Variants in ZCCHC14 observed in about 807,000 individuals in gnomAD.
The protein encoded by ZCCHC14 is zinc finger CCHC domain-containing protein 14.
In ZCCHC14, 16 loss-of-function variants were observed where a neutral mutation model predicts 85.0. The ratio of observed to expected loss-of-function variants is 0.19; its 90% CI spans 0.13 to 0.29. The LOEUF is 0.29. Ranked by LOEUF, ZCCHC14 falls within the 10% of genes least tolerant of loss-of-function variation. The pLI, the probability that ZCCHC14 is intolerant of heterozygous loss-of-function variation, is 1.00. For missense variants in ZCCHC14, 1,303 were observed against 1,443.5 expected, an observed-to-expected ratio of 0.90 and a Z score of 1.58; for synonymous variants, 775 against 630.7, an observed-to-expected ratio of 1.23 and a Z score of -3.43.
chr16:87,480,681 G>A (rs1384387751), intron 1 of ZCCHC14, among the ~76,000 whole-genome samples: 2 of 152,208 alleles, frequency 1.3e-5, no homozygotes, highest in Non-Finnish European at 2.9e-5. Context: ...TGAGCCCCTA[G>A]TAGGTGGTAG....
intron 3 of ZCCHC14, among the ~76,000 whole-genome samples, chr16:87,431,650 G>A (rs1029860002): frequency 6.6e-6 from 1 of 152,166 alleles, no homozygotes; most frequent in Non-Finnish European, 1.5e-5. Flanking sequence ...ACTGTGCTAT[G>A]ACCATATGCG....
At chr16:87,463,482 G>T (rs1220728722) in intron 1 of ZCCHC14, among the ~76,000 whole-genome samples, 2 of 152,174 alleles carry the variant, frequency 1.3e-5, no homozygotes, top group Admixed American at 1.3e-4. Context: ...TCTAAGTCCT[G>T]GTTCTAAGAA....
chr16:87,430,325 C>G (rs1955179588), intron 3 of ZCCHC14, among the ~76,000 whole-genome samples: 1 of 152,094 alleles, frequency 6.6e-6, no homozygotes, highest in African/African-American at 2.4e-5. Flanking sequence ...TCCTTCATAC[C>G]CGGCCTGTGC....
intron 2 of ZCCHC14, among the ~76,000 whole-genome samples, chr16:87,434,263 C>T (rs964634285): frequency 1.6e-4 from 24 of 152,330 alleles, no homozygotes; most frequent in African/African-American, 5.5e-4. Flanking sequence ...AGCCGCGTAT[C>T]GAACATGCTG....
intron 2 of ZCCHC14, among the ~76,000 whole-genome samples, chr16:87,450,000 T>C (rs192710863): frequency 7.2e-5 from 11 of 152,234 alleles, no homozygotes; most frequent in South Asian, 4.1e-4. Context: ...AACTGAAAAA[T>C]TGAGGCACTG....
chr16:87,411,332 T>A, intron 12 of ZCCHC14, 184 bp downstream of exon 12: 1 of 1,485,490 alleles, frequency 6.7e-7, no homozygotes, highest in Non-Finnish European at 8.9e-7. Flanking sequence ...ATGGCCGTTT[T>A]AGACCCAACA....
At chr16:87,424,781 G>T (rs183848772) in intron 3 of ZCCHC14, among the ~76,000 whole-genome samples, 1 of 152,174 alleles carries the variant, frequency 6.6e-6, no homozygotes, top group Non-Finnish European at 1.5e-5. Flanking sequence ...TTAGCTACAG[G>T]ATTGAGATGG....
In ZCCHC14 at chr16:87,407,790, G is replaced by A. The variant is rs765546167; in HGVS notation, c.*2490C>T. On this transcript the variant is annotated 3_prime_UTR_variant, in exon 13 of 13. Transcript: ENST00000671377. ...TGAGGAAGTCTGATGACCGCAAAAC[G>A]CTCTTCAGACGCGCCGACCTTGGTG... 3 of 152,460 alleles carry A rather than the reference G, an allele frequency of 2.0e-5. No individual in the cohort carries two copies. Among genetic ancestry groups the A allele is most frequent in the Admixed American group, 6.5e-5 (1 of 15,272 alleles). The allele number at this position is 152,460 out of a possible 1,614,324, so 9.4% of individuals were successfully genotyped here.
chr16:87,423,291 G>A (rs1339202782), intron 4 of ZCCHC14, among the ~76,000 whole-genome samples: 1 of 152,152 alleles, frequency 6.6e-6, no homozygotes, highest in Non-Finnish European at 1.5e-5. Flanking sequence ...AACGTGGGAG[G>A]ACCACTTGAG....
chr16:87,443,411 G>C (rs1345131246), intron 2 of ZCCHC14, among the ~76,000 whole-genome samples: 1 of 152,168 alleles, frequency 6.6e-6, no homozygotes, highest in Non-Finnish European at 1.5e-5. Context: ...TACCAGGTAA[G>C]TCAGCTGAGT....
chr16:87,436,621 G>C lies in ZCCHC14; in HGVS notation c.695-3420C>G, dbSNP rs574074300. 8.5e-5 allele frequency among the ~76,000 whole-genome samples: 13 copies of C among 152,344 alleles called. No individual in the cohort carries two copies. In the East Asian group the frequency reaches 2.5e-3, roughly 29 times the overall value. On this transcript the variant is annotated intron_variant, in intron 2 of 12. Transcript: ENST00000671377. Reference sequence around the variant, plus strand: ...GCAGGATAAATAGCTCACACATGCCGGGCTTACGCCTAAGTGATGGGCTGA... The same window carrying C: ...GCAGGATAAATAGCTCACACATGCCCGGCTTACGCCTAAGTGATGGGCTGA...
intron 1 of ZCCHC14, among the ~76,000 whole-genome samples, chr16:87,468,087 A>G (rs986440758): frequency 6.6e-6 from 1 of 152,236 alleles, no homozygotes; most frequent in African/African-American, 2.4e-5. Flanking sequence ...TCTCTTAAGA[A>G]TGGTACATTT....
chr16:87,462,389 A>C (rs1412690131), intron 1 of ZCCHC14, among the ~76,000 whole-genome samples: 1 of 152,220 alleles, frequency 6.6e-6, no homozygotes, highest in East Asian at 1.9e-4. Context: ...TTTTAGTTCC[A>C]AACAGTACAT....
chr16:87,425,765 C>G (rs1006891235), intron 3 of ZCCHC14, among the ~76,000 whole-genome samples: 1 of 152,142 alleles, frequency 6.6e-6, no homozygotes, highest in South Asian at 2.1e-4. Flanking sequence ...GGCTGTCCCC[C>G]GCGCTGCTGA....
At position 87,456,603 on chromosome 16, in the gene ZCCHC14, G is replaced by A. The variant is rs917839660; in HGVS notation, c.694+3405C>T. Among the ~76,000 whole-genome samples, 5 of 140,940 alleles carry A rather than the reference G, an allele frequency of 3.5e-5. No individual in the cohort carries two copies. The South Asian group carries it at 1.2e-3, about 34-fold the overall frequency. 92.5% of individuals were successfully genotyped at this position (140,940 alleles called of 152,430 possible). On this transcript the variant is annotated intron_variant, in intron 2 of 12. Transcript: ENST00000671377. ...GAATTCTTGTCTTCTTAGAATTCAT[G>A]TTCTAATTGGTTGGGATAGATTTTG...
Position 87,433,067 on chromosome 16 carries a change from C to T in ZCCHC14, c.768+61G>A. On this transcript the variant is annotated intron_variant, in intron 3 of 12. Transcript: ENST00000671377. ...CTTAGCTAGGAAGGAAAAGCATCTC[C>T]AGGGTAAGTGTTTTCTTCCTAGCCT... 1.0e-5 allele frequency: 16 copies of T among 1,543,228 alleles called. No individual in the cohort carries two copies. In the South Asian group the frequency reaches 1.8e-4, roughly 17 times the overall value.
At chr16:87,481,632 C>T (rs1912285118) in intron 1 of ZCCHC14, among the ~76,000 whole-genome samples, 1 of 146,766 alleles carries the variant, frequency 6.8e-6, no homozygotes, top group South Asian at 2.2e-4. Flanking sequence ...TGAGGGAACA[C>T]TGAACCGGGG....
At chr16:87,431,231 T>C (rs562162334) in intron 3 of ZCCHC14, among the ~76,000 whole-genome samples, 57 of 152,000 alleles carry the variant, frequency 3.8e-4, no homozygotes, top group Non-Finnish European at 6.5e-4. Context: ...CCCAGCACTT[T>C]GGGAGGCCGA....
chr16:87,445,116 G>C (rs984216638), intron 2 of ZCCHC14, among the ~76,000 whole-genome samples: 2 of 151,230 alleles, frequency 1.3e-5, no homozygotes, highest in Non-Finnish European at 2.9e-5. Context: ...CACCAGGCTG[G>C]AGTGCAGCGG....
Sources: allele counts gnomAD v4.1 joint callset (sites outside exome capture counted in the v4.1 genomes callset), GRCh38; gene constraint gnomAD v4.1.1; transcripts MANE v1.5; gene names NCBI Gene and HGNC (gene_info 2026-07-23, HGNC 2026-07-21).